The following GAB1 variants were observed in gnomAD, a reference collection of about 807,000 sequenced individuals.
The protein encoded by GAB1 is GRB2 associated binding protein 1, also known as GRB2-associated-binding protein 1.
GAB1 carries 19 observed loss-of-function variants against 66.5 expected under a neutral mutation model. That is an observed-to-expected ratio of 0.29 (90% CI 0.20 to 0.42). GAB1 has a LOEUF of 0.42. Among genes scored for constraint, GAB1 ranks in the 10% least tolerant of loss-of-function variants. The probability of loss-of-function intolerance (pLI) is 1.00; values close to 1 mark genes in which losing one functional copy is unlikely to be tolerated. For synonymous variants in GAB1, 294 were observed against 301.4 expected (o/e 0.98, Z 0.25); for missense variants, 732 against 858.5 (o/e 0.85, Z 1.84).
intron 1 of GAB1, among the ~76,000 whole-genome samples, chr4:143,404,386 A>T (rs944059318): frequency 6.6e-6 from 1 of 152,254 alleles, no homozygotes. Flanking sequence ...CAGTGAAACT[A>T]GGAAATAGAC....
At chr4:143,435,456 C>G (rs1733896140) in intron 3 of GAB1, among the ~76,000 whole-genome samples, 1 of 152,112 alleles carries the variant, frequency 6.6e-6, no homozygotes, top group African/African-American at 2.4e-5. Flanking sequence ...TTTTTAGAAG[C>G]CAACAGCCAA....
chr4:143,445,736 G>GT (rs1488669646), intron 6 of GAB1, among the ~76,000 whole-genome samples: 4 of 151,986 alleles, frequency 2.6e-5, no homozygotes, highest in African/African-American at 9.7e-5. Flanking sequence ...ATGATCATAT[G>GT]TTTTTTGTTT....
chr4:143,465,108 A>G (rs558992189), intron 8 of GAB1, among the ~76,000 whole-genome samples: 6 of 152,292 alleles, frequency 3.9e-5, no homozygotes, highest in African/African-American at 7.2e-5. Context: ...ACATTTCTAG[A>G]TGGGGTTAAA....
intron 1 of GAB1, among the ~76,000 whole-genome samples, chr4:143,369,288 G>T (rs1339918422): frequency 6.6e-6 from 1 of 151,986 alleles, no homozygotes; most frequent in Non-Finnish European, 1.5e-5. Context: ...TGTTGGCCAG[G>T]TTGGTCTCAA....
intron 2 of GAB1, among the ~76,000 whole-genome samples, chr4:143,432,026 C>T (rs554675029): frequency 8.5e-5 from 13 of 152,190 alleles, no homozygotes; most frequent in Non-Finnish European, 1.5e-5. Context: ...GCTGTGTTAA[C>T]TGCTGACAGC....
chr4:143,434,049 T>C (rs1418515431), intron 3 of GAB1: 1 of 1,064,354 alleles, frequency 9.4e-7, no homozygotes, highest in South Asian at 1.3e-5. Context: ...GATTTATAAA[T>C]GGTGATCTTG....
chr4:143,439,119 T>C (rs1435948331), intron 4 of GAB1, among the ~76,000 whole-genome samples: 1 of 152,204 alleles, frequency 6.6e-6, no homozygotes, highest in Non-Finnish European at 1.5e-5. Context: ...TGAATCTTCT[T>C]TCCCCTTATC....
chr4:143,422,067 C>A (rs1733060604), intron 2 of GAB1, among the ~76,000 whole-genome samples: 1 of 152,108 alleles, frequency 6.6e-6, no homozygotes, highest in South Asian at 2.1e-4. Flanking sequence ...TTATTTGTAT[C>A]CACTTGTTAG....
intron 1 of GAB1, among the ~76,000 whole-genome samples, chr4:143,344,148 G>T (rs1468610210): frequency 6.6e-6 from 1 of 152,186 alleles, no homozygotes; most frequent in Non-Finnish European, 1.5e-5. Flanking sequence ...GAGAATAAAA[G>T]AGCCTTTGAT....
At chr4:143,352,351 C>T (rs1320238484) in intron 1 of GAB1, among the ~76,000 whole-genome samples, 9 of 152,200 alleles carry the variant, frequency 5.9e-5, no homozygotes, top group African/African-American at 2.2e-4. Flanking sequence ...GCTGATGTCT[C>T]ATATTCAGCC....
At chr4:143,400,744 G>A (rs1731726497) in intron 1 of GAB1, among the ~76,000 whole-genome samples, 1 of 152,118 alleles carries the variant, frequency 6.6e-6, no homozygotes, top group Non-Finnish European at 1.5e-5. Flanking sequence ...GAGGCAGGCA[G>A]ATCACCTGAG....
chr4:143,410,489 A>T (rs558409548), intron 1 of GAB1, among the ~76,000 whole-genome samples: 1 of 152,200 alleles, frequency 6.6e-6, no homozygotes, highest in African/African-American at 2.4e-5. Flanking sequence ...TGGGACTCCC[A>T]TCTGTACTTT....
At chr4:143,423,058 TAA>T (rs1246619422) in intron 2 of GAB1, among the ~76,000 whole-genome samples, 1 of 152,214 alleles carries the variant, frequency 6.6e-6, no homozygotes, top group Non-Finnish European at 1.5e-5. Context: ...CAAGTCTTTA[TAA>T]AGTAGAACAG....
At chr4:143,441,053 C>T (rs1034626852) in intron 6 of GAB1, among the ~76,000 whole-genome samples, 1 of 152,134 alleles carries the variant, frequency 6.6e-6, no homozygotes, top group African/African-American at 2.4e-5. Flanking sequence ...AATTACTTTG[C>T]CTTTGCTGGG....
chr4:143,453,398 A>G (rs1420183087), intron 6 of GAB1, among the ~76,000 whole-genome samples: 4 of 152,174 alleles, frequency 2.6e-5, no homozygotes, highest in African/African-American at 9.6e-5. Flanking sequence ...ATGAAGATGA[A>G]GAAGAACTCG....
chr4:143,433,737 TGA>T, intron 3 of GAB1, 21 bp downstream of exon 3: 1 of 1,564,432 alleles, frequency 6.4e-7, no homozygotes, highest in Non-Finnish European at 8.8e-7. Context: ...TATGCCCATG[TGA>T]GAGAGAGACA....
intron 2 of GAB1, chr4:143,425,594 C>G: frequency 2.6e-6 from 2 of 762,724 alleles, no homozygotes; most frequent in Non-Finnish European, 4.8e-6. Context: ...AAGTTCTGCG[C>G]GTGCGTGGCA....
At chr4:143,421,193 A>G (rs1039751380) in intron 2 of GAB1, among the ~76,000 whole-genome samples, 2 of 152,108 alleles carry the variant, frequency 1.3e-5, no homozygotes, top group African/African-American at 2.4e-5. Flanking sequence ...TATTTTTTCC[A>G]GTATTAAGCC....
intron 1 of GAB1, among the ~76,000 whole-genome samples, chr4:143,357,978 A>C (rs1473993553): frequency 6.6e-6 from 1 of 151,874 alleles, no homozygotes; most frequent in Non-Finnish European, 1.5e-5. Flanking sequence ...AGAGGATGCA[A>C]CTATGCTGAG....
Sources: gnomAD v4.1 joint callset for allele counts (sites outside exome capture counted in the v4.1 genomes callset) on GRCh38, gnomAD v4.1.1 for gene constraint, MANE v1.5 for transcripts, NCBI Gene and HGNC (gene_info 2026-07-23, HGNC 2026-07-21) for gene names.